ADGRL2: variants seen among roughly 807,000 people sequenced by gnomAD.
The protein encoded by ADGRL2 is adhesion G protein-coupled receptor L2, also known as calcium-independent alpha-latrotoxin receptor 2.
A neutral mutation model predicts 157.4 loss-of-function variants in ADGRL2; 44 were observed. The ratio of observed to expected loss-of-function variants is 0.28; its 90% CI spans 0.22 to 0.36. The LOEUF (loss-of-function observed/expected upper bound fraction) is 0.36. ADGRL2 is among the 10% of genes least tolerant of loss of function. The pLI, the probability that ADGRL2 is intolerant of heterozygous loss-of-function variation, is 1.00. For synonymous variants in ADGRL2, 585 were observed against 624.7 expected (o/e 0.94, Z 0.95); for missense variants, 1,510 against 1,768.9 (o/e 0.85, Z 2.63).
At chr1:81,932,964 A>C (rs2095256227) in intron 3 of ADGRL2, among the ~76,000 whole-genome samples, 1 of 152,166 alleles carries the variant, frequency 6.6e-6, no homozygotes, top group Non-Finnish European at 1.5e-5. Flanking sequence ...GGCCTCCCAA[A>C]GTGCTGGGAT....
chr1:81,905,947 AGTGTGTGTGTGTGTGTGTGT>A (rs3046460), intron 2 of ADGRL2, among the ~76,000 whole-genome samples: 3 of 144,582 alleles, frequency 2.1e-5, no homozygotes, highest in East Asian at 2.0e-4. Context: ...AAAAAAGCAG[AGTGTGTGTGTGTGTGTGTGT>A]GTGTGTGTGT....
At chr1:81,687,768 T>C (rs569624909) in intron 3 of ADGRL2, among the ~76,000 whole-genome samples, 1 of 152,270 alleles carries the variant, frequency 6.6e-6, no homozygotes, top group Non-Finnish European at 1.5e-5. Flanking sequence ...AGGTCCTGGG[T>C]GACTTATGCT....
At chr1:81,566,808 T>C (rs945552895) in intron 2 of ADGRL2, among the ~76,000 whole-genome samples, 2 of 152,160 alleles carry the variant, frequency 1.3e-5, no homozygotes, top group Non-Finnish European at 2.9e-5. Flanking sequence ...AATAGGAAAG[T>C]ATTATCTGAT....
At chr1:81,322,089 T>TATATATATATATATATATATATACAC (rs1660543405) in intron 1 of ADGRL2, among the ~76,000 whole-genome samples, 3 of 103,534 alleles carry the variant, frequency 2.9e-5, no homozygotes, top group African/African-American at 6.8e-5. Flanking sequence ...GACTAATTCA[T>TATATATATATATATATATATATACAC]ATATATATAT....
chr1:81,974,364 A>G (rs1415872039), intron 17 of ADGRL2, among the ~76,000 whole-genome samples: 1 of 152,192 alleles, frequency 6.6e-6, no homozygotes, highest in African/African-American at 2.4e-5. Context: ...AGCTGTTCTT[A>G]TCATTTGGAC....
At chr1:81,966,704 G>C (rs1208760339) in intron 13 of ADGRL2, 95 bp downstream of exon 13, 1 of 1,003,718 alleles carries the variant, frequency 1.0e-6, no homozygotes, top group African/African-American at 1.6e-5. Context: ...AGAGAACTGG[G>C]GAGATGGGAG....
chr1:81,810,351 G>GT (rs2089704604), intron 1 of ADGRL2, among the ~76,000 whole-genome samples: 1 of 151,722 alleles, frequency 6.6e-6, no homozygotes, highest in African/African-American at 2.4e-5. Flanking sequence ...TTTAAAATGA[G>GT]TTTCCCTGTG....
intron 2 of ADGRL2, among the ~76,000 whole-genome samples, chr1:81,548,937 T>G (rs1436565824): frequency 1.3e-5 from 2 of 152,226 alleles, no homozygotes; most frequent in Non-Finnish European, 2.9e-5. Context: ...TTTCCAGGTC[T>G]TGAAGGCTAG....
intron 21 of ADGRL2, 128 bp from the exon 22 acceptor site, chr1:81,986,773 T>A (rs1663259511): frequency 1.2e-6 from 1 of 859,482 alleles, no homozygotes; most frequent in Non-Finnish European, 1.8e-6. Flanking sequence ...TTCAACAGAT[T>A]TTCCATTGCC....
intron 3 of ADGRL2, among the ~76,000 whole-genome samples, chr1:81,917,644 C>T (rs1049729645): frequency 6.6e-6 from 1 of 152,046 alleles, no homozygotes; most frequent in Non-Finnish European, 1.5e-5. Context: ...ATGTGAAGAC[C>T]AAGAAAGACA....
At chr1:81,368,901 C>A (rs2076113377) in intron 1 of ADGRL2, among the ~76,000 whole-genome samples, 1 of 152,134 alleles carries the variant, frequency 6.6e-6, no homozygotes, top group African/African-American at 2.4e-5. Flanking sequence ...CCTTTTTTTA[C>A]ATAATTCCCT....
intron 2 of ADGRL2, among the ~76,000 whole-genome samples, chr1:81,762,407 T>C (rs1293238778): frequency 6.6e-6 from 1 of 152,196 alleles, no homozygotes; most frequent in African/African-American, 2.4e-5. Flanking sequence ...TTCATTGTCT[T>C]TATATTTTTA....
chr1:81,850,011 A>G (rs908085254), intron 2 of ADGRL2, among the ~76,000 whole-genome samples: 24 of 149,718 alleles, frequency 1.6e-4, no homozygotes, highest in African/African-American at 5.1e-4. Flanking sequence ...ACATTGTGCT[A>G]TAGTCAGTGG....
intron 3 of ADGRL2, among the ~76,000 whole-genome samples, chr1:81,673,672 G>A (rs1415634962): frequency 1.3e-5 from 2 of 151,694 alleles, no homozygotes; most frequent in African/African-American, 4.8e-5. Flanking sequence ...CCACCACCAC[G>A]CCCAGCTAAT....
intron 2 of ADGRL2, among the ~76,000 whole-genome samples, chr1:81,453,468 C>A (rs1478747512): frequency 6.6e-6 from 1 of 152,020 alleles, no homozygotes; most frequent in Non-Finnish European, 1.5e-5. Context: ...TAACAGCAGC[C>A]ACTTAAGAGT....
chr1:81,615,136 GTGGGGACTTGGAGAACT>G (rs2081617285), intron 3 of ADGRL2, among the ~76,000 whole-genome samples: 1 of 152,184 alleles, frequency 6.6e-6, no homozygotes, highest in Non-Finnish European at 1.5e-5. Context: ...TCTGGGTCAG[GTGGGGACTTGGAGAACT>G]TTTGTGTCTA....
intron 1 of ADGRL2, among the ~76,000 whole-genome samples, chr1:81,834,545 G>C (rs2092161026): frequency 6.6e-6 from 1 of 152,066 alleles, no homozygotes; most frequent in Non-Finnish European, 1.5e-5. Flanking sequence ...ATTAACATTT[G>C]TTTAATGGAA....
In ADGRL2 at chr1:81,987,496, G is replaced by T. The variant is rs2149508479; in HGVS notation, c.3638-373G>T. 3 of 669,378 alleles carry T rather than the reference G, an allele frequency of 4.5e-6. No individual in the cohort carries two copies. In the African/African-American group the frequency reaches 5.4e-5, roughly 12 times the overall value. The allele number at this position is 669,378 out of a possible 1,614,324, so 41.5% of individuals were successfully genotyped here. ...TATATCCAAACTATAGTATAGTGCA[G>T]CTTTATGGTAGTTTTCTTTTTTCTT... On this transcript the variant is annotated intron_variant, in intron 22 of 23. Transcript: ENST00000686636.
At chr1:81,809,185 C>CT (rs2089543113) in intron 1 of ADGRL2, among the ~76,000 whole-genome samples, 1 of 151,870 alleles carries the variant, frequency 6.6e-6, no homozygotes, top group Non-Finnish European at 1.5e-5. Flanking sequence ...GGGATTACAC[C>CT]TTAATCTTTG....
Sources: gnomAD v4.1 joint callset for allele counts (sites outside exome capture counted in the v4.1 genomes callset) on GRCh38, gnomAD v4.1.1 for gene constraint, MANE v1.5 for transcripts, NCBI Gene and HGNC (gene_info 2026-07-23, HGNC 2026-07-21) for gene names.